Variants in ANKRD31 observed in about 807,000 individuals in gnomAD.
ANKRD31 encodes the protein ankyrin repeat domain 31, also known as ankyrin repeat domain-containing protein 31.
In ANKRD31, 147 loss-of-function variants were observed where a neutral mutation model predicts 186.0. The ratio of observed to expected loss-of-function variants is 0.79; its 90% CI spans 0.69 to 0.91. The LOEUF is 0.91. Among genes scored for constraint, ANKRD31 ranks in the 40% least tolerant of loss-of-function variants. ANKRD31 has a pLI of 0.00. For missense variants in ANKRD31, 1,986 were observed against 2,148.8 expected, an observed-to-expected ratio of 0.92 and a Z score of 1.50; for synonymous variants, 673 against 736.4, an observed-to-expected ratio of 0.91 and a Z score of 1.39.
intron 24 of ANKRD31, among the ~76,000 whole-genome samples, chr5:75,082,808 GC>G (rs1224245745): frequency 6.6e-6 from 1 of 152,154 alleles, no homozygotes; most frequent in Admixed American, 6.5e-5. Context: ...CTTAAATTCT[GC>G]TAGAATTAAC....
chr5:75,111,564 A>G (rs1156314652), intron 20 of ANKRD31, among the ~76,000 whole-genome samples: 1 of 152,186 alleles, frequency 6.6e-6, no homozygotes, highest in African/African-American at 2.4e-5. Context: ...ATGAACAGTT[A>G]TATCCTGCTA....
In ANKRD31 at chr5:75,179,154, G is replaced by A. The variant is rs541287684; in HGVS notation, c.1564+9339C>T. 6.0e-3 allele frequency among the ~76,000 whole-genome samples: 913 copies of A among 152,086 alleles called. 1 individual carries two copies. The highest frequency in any genetic ancestry group is 0.011 in the South Asian group (52 of 4,796). The stretch of plus-strand genomic sequence containing the variant: ...TCTAGAAGAAATGGATAAATTCCTC[G>A]ACACATACACCCTCCCAAGACTAAA... On this transcript the variant is annotated intron_variant, in intron 10 of 25. Transcript: ENST00000506364.
chr5:75,069,268 C>A (rs1017396206), intron 25 of ANKRD31, among the ~76,000 whole-genome samples: 18 of 105,296 alleles, frequency 1.7e-4, no homozygotes, highest in Admixed American at 1.5e-3. Flanking sequence ...CCCTGACAGT[C>A]TGAGAGATTT....
intron 19 of ANKRD31, among the ~76,000 whole-genome samples, chr5:75,115,059 G>T (rs1748102722): frequency 2.6e-5 from 4 of 151,852 alleles, no homozygotes; most frequent in South Asian, 4.2e-4. Context: ...CCAAAACAGA[G>T]ATATAGATCA....
At position 75,215,599 on chromosome 5, in the gene ANKRD31, C is replaced by T. The variant is rs760601045; in HGVS notation, c.289-4734G>A. 3.3e-5 allele frequency among the ~76,000 whole-genome samples: 5 copies of T among 151,958 alleles called. No individual in the cohort carries two copies. In the East Asian group the frequency reaches 7.7e-4, roughly 23 times the overall value. Reference sequence around the variant, plus strand: ...TATGAAATATTTTTAAAGATTGATGCCTACATTTTAAAAAATTAATATGAC... The same window carrying T: ...TATGAAATATTTTTAAAGATTGATGTCTACATTTTAAAAAATTAATATGAC... On this transcript the variant is annotated intron_variant, in intron 3 of 25. Coordinates refer to ENST00000506364, the MANE Select transcript of ANKRD31 (RefSeq NM_001372053.1).
Position 75,112,559 on chromosome 5 carries a change from T to C in ANKRD31, c.4197A>G (p.Lys1399=). Residue 1399 remains lysine (K), a synonymous_variant, in exon 20 of 26, where the codon AAA becomes AAG. Transcript: ENST00000506364. ...TTTCAAACTCTAATAAATATTCTTGTTTTTCTTCTATATCTTGTAGAATGG... is the reference window on the plus strand; with the variant it reads ...TTTCAAACTCTAATAAATATTCTTGCTTTTCTTCTATATCTTGTAGAATGG... ...LSAILQDIEE[K]QEYLLEFEIR... 6.6e-7 allele frequency: 1 copy of C among 1,525,416 alleles called. No homozygotes were observed. Among genetic ancestry groups the C allele is most frequent in the Non-Finnish European group, 8.8e-7 (1 of 1,138,788 alleles). 94.5% of individuals were successfully genotyped at this position (1,525,416 alleles called of 1,614,324 possible).
At chr5:75,106,218 A>G (rs1747319905) in intron 21 of ANKRD31, among the ~76,000 whole-genome samples, 1 of 152,124 alleles carries the variant, frequency 6.6e-6, no homozygotes, top group Non-Finnish European at 1.5e-5. Context: ...GAGAGCAATA[A>G]CATCTTACTA....
intron 23 of ANKRD31, among the ~76,000 whole-genome samples, chr5:75,085,657 C>T (rs906232766): frequency 2.4e-4 from 36 of 152,020 alleles, no homozygotes; most frequent in African/African-American, 7.5e-4. Flanking sequence ...CTGCCTTGGC[C>T]TCCCAAAGTG....
At position 75,193,305 on chromosome 5, in the gene ANKRD31, G is replaced by T. The variant is rs1240538073; in HGVS notation, c.1298+6C>A. ...CTGGAGATAAAGACATAATTTCATT[G>T]CATACCTGAAATTCTGAGCTGAAGA... On this transcript the variant is annotated splice_donor_region_variant and intron_variant, in intron 8 of 25. Transcript: ENST00000506364. The T allele has an allele frequency of 2.6e-6, 4 of 1,534,192 alleles. No homozygotes were observed. In the African/African-American group the frequency reaches 5.5e-5, roughly 21 times the overall value.
intron 25 of ANKRD31, among the ~76,000 whole-genome samples, chr5:75,069,276 T>C (rs1333441058): frequency 3.4e-5 from 1 of 29,190 alleles, no homozygotes; most frequent in Non-Finnish European, 5.4e-5. Context: ...GTCTGAGAGA[T>C]TTTTTTTTTT....
At chr5:75,229,892 A>C (rs112003102) in intron 2 of ANKRD31, among the ~76,000 whole-genome samples, 56 of 124,686 alleles carry the variant, frequency 4.5e-4, no homozygotes, top group African/African-American at 1.7e-3. Context: ...AAAAAACAAA[A>C]AAAACATCAA....
At chr5:75,110,886 G>C (rs1036175311) in intron 20 of ANKRD31, among the ~76,000 whole-genome samples, 3 of 149,668 alleles carry the variant, frequency 2.0e-5, no homozygotes, top group Non-Finnish European at 3.0e-5. Flanking sequence ...CTGAAAATTA[G>C]TACTATCTAT....
At chr5:75,172,313 A>G (rs919908204) in intron 10 of ANKRD31, among the ~76,000 whole-genome samples, 11 of 151,938 alleles carry the variant, frequency 7.2e-5, no homozygotes, top group African/African-American at 2.7e-4. Context: ...TTATATGGTC[A>G]TATCAATAGA....
chr5:75,229,802 T>C (rs1381331063), intron 2 of ANKRD31, among the ~76,000 whole-genome samples: 3 of 139,880 alleles, frequency 2.1e-5, no homozygotes, highest in Non-Finnish European at 4.5e-5. Context: ...GAGGCGGAGG[T>C]TGCAGTGAGC....
At chr5:75,152,845 T>A (rs1319969840) in intron 12 of ANKRD31, among the ~76,000 whole-genome samples, 1 of 151,864 alleles carries the variant, frequency 6.6e-6, no homozygotes, top group African/African-American at 2.4e-5. Context: ...ATAGAGTGAG[T>A]ATAATGATTC....
At chr5:75,235,772 G>C (rs937134471) in intron 1 of ANKRD31, among the ~76,000 whole-genome samples, 1 of 152,180 alleles carries the variant, frequency 6.6e-6, no homozygotes, top group African/African-American at 2.4e-5. Flanking sequence ...AGTGTGGACA[G>C]AATCCCCCTT....
intron 11 of ANKRD31, among the ~76,000 whole-genome samples, chr5:75,159,641 A>G (rs764485491): frequency 8.2e-5 from 12 of 145,608 alleles, no homozygotes; most frequent in Non-Finnish European, 1.6e-4. Flanking sequence ...AAAACTATAA[A>G]TGAAAGCAAA....
chr5:75,173,354 T>C (rs927724448), intron 10 of ANKRD31, among the ~76,000 whole-genome samples: 8 of 152,134 alleles, frequency 5.3e-5, no homozygotes, highest in Non-Finnish European at 1.2e-4. Flanking sequence ...TCAACTCCTA[T>C]TCAACATAGT....
intron 20 of ANKRD31, among the ~76,000 whole-genome samples, chr5:75,112,201 C>T (rs1410479422): frequency 6.6e-6 from 1 of 152,150 alleles, no homozygotes; most frequent in Admixed American, 6.5e-5. Context: ...TGCCATTCTC[C>T]TGCCTCAGCC....
Sources: allele counts gnomAD v4.1 joint callset (sites outside exome capture counted in the v4.1 genomes callset), GRCh38; gene constraint gnomAD v4.1.1; transcripts MANE v1.5; gene names NCBI Gene and HGNC (gene_info 2026-07-23, HGNC 2026-07-21).